Variants in B3GNT6 observed in about 807,000 individuals in gnomAD.
B3GNT6 encodes the protein UDP-GlcNAc:betaGal beta-1,3-N-acetylglucosaminyltransferase 6, also known as acetylgalactosaminyl-O-glycosyl-glycoprotein beta-1,3-N-acetylglucosaminyltransferase.
For synonymous variants in B3GNT6, 300 were observed against 270.0 expected, an observed-to-expected ratio of 1.11 and a Z score of -1.09; for missense variants, 624 against 568.6, an observed-to-expected ratio of 1.10 and a Z score of -0.99.
At position 77,041,633 on chromosome 11, in the gene B3GNT6, G is replaced by A. The variant is rs577046795; in HGVS notation, c.*927G>A. ...CAGGTGTGTAGAATTGTGTTCGGGA[G>A]GTGGGGGATCTGAGACCGAAGTGGA... On this transcript the variant is annotated 3_prime_UTR_variant, in exon 2 of 2. Transcript: ENST00000622824. The A allele has an allele frequency of 6.6e-6, 1 of 152,588 alleles. No individual in the cohort carries two copies. Among genetic ancestry groups the A allele is most frequent in the East Asian group, 1.9e-4 (1 of 5,194 alleles). The allele number at this position is 152,588 out of a possible 1,614,324, so 9.5% of individuals were successfully genotyped here. A position where few individuals can be genotyped will look rare whatever the true frequency, so the allele number is the denominator to read the frequency against.
rs1555027902 is a variant in B3GNT6, at chr11:77,040,728, C to T, written c.*22C>T. The T allele has an allele frequency of 3.2e-6, 5 of 1,542,268 alleles. No homozygotes were observed. Among genetic ancestry groups the T allele is most frequent in the East Asian group, 2.3e-5 (1 of 43,834 alleles). Reference sequence around the variant, plus strand: ...CTGAGGCCAGTTGGGCGGCTTCAGCCCCGGGCCTCCAACCATGTCCATGCT... The same window carrying T: ...CTGAGGCCAGTTGGGCGGCTTCAGCTCCGGGCCTCCAACCATGTCCATGCT... On this transcript the variant is annotated 3_prime_UTR_variant, in exon 2 of 2. Coordinates refer to ENST00000622824, the MANE Select transcript of B3GNT6 (RefSeq NM_138706.5).
Position 77,039,847 on chromosome 11 carries a change from G to A in B3GNT6, c.296G>A (p.Arg99His). 3 of 1,582,018 alleles carry A rather than the reference G, an allele frequency of 1.9e-6. No individual in the cohort carries two copies. The highest frequency in any genetic ancestry group is 2.6e-6 in the Non-Finnish European group (3 of 1,171,642). The change falls in exon 2 of 2, where the codon CGC becomes CAC. Residue 99 changes from arginine to histidine, a missense_variant. By Grantham distance (29) the Arg-to-His change is conservative. Coordinates refer to ENST00000622824, the MANE Select transcript of B3GNT6 (RefSeq NM_138706.5). ...GACTTCCTGCGGTACCGCCACTGCC[G>A]CCACTTCCCGCTGCTTTGGGACGCA... ...IQDFLRYRHC[R>H]HFPLLWDAPA... is the part of the protein sequence containing the mutation.
Position 77,040,416 on chromosome 11 carries a change from G to A in B3GNT6, c.865G>A (p.Gly289Ser), listed in dbSNP as rs782639298. The A allele has an allele frequency of 7.8e-6, 12 of 1,528,886 alleles. No homozygotes were observed. The highest frequency in any genetic ancestry group is 2.0e-5 in the Admixed American group (1 of 50,252). The allele number at this position is 1,528,886 out of a possible 1,614,324, so 94.7% of individuals were successfully genotyped here. The change falls in exon 2 of 2, where the codon GGC (glycine) becomes AGC (serine). Residue 289 changes from glycine (G) to serine (S), a missense_variant. Physicochemically the swap from Gly to Ser is moderately conservative, Grantham distance 56 (BLOSUM62 0). Coordinates refer to ENST00000622824, the MANE Select transcript of B3GNT6 (RefSeq NM_138706.5). ...CAGCGGCGGCGGCTTCCTCCTGTCCGGCCCCACGGCCCGGGCCCTGCGCGC... is the reference window on the plus strand; with the variant it reads ...CAGCGGCGGCGGCTTCCTCCTGTCCAGCCCCACGGCCCGGGCCCTGCGCGC... ...YCSGGGFLLS[G>S]PTARALRAAA... is the part of the protein sequence containing the mutation.
intron 1 of B3GNT6, among the ~76,000 whole-genome samples, chr11:77,038,740 G>A (rs1463767373): frequency 6.6e-6 from 1 of 152,018 alleles, no homozygotes; most frequent in Non-Finnish European, 1.5e-5. Context: ...ATGCAGGAGA[G>A]GGCCTGAAGG....
At chr11:77,039,278 C>A (rs1285983459) in intron 1 of B3GNT6, among the ~76,000 whole-genome samples, 1 of 152,008 alleles carries the variant, frequency 6.6e-6, no homozygotes, top group Non-Finnish European at 1.5e-5. Flanking sequence ...GAGACTCAGA[C>A]GATGAGTCCA....
chr11:77,038,162 AGAG>A (rs1949653360), intron 1 of B3GNT6, among the ~76,000 whole-genome samples: 1 of 108,162 alleles, frequency 9.2e-6, no homozygotes, highest in East Asian at 3.0e-4. Flanking sequence ...GGGAGGGGGA[AGAG>A]GAGGAGGAGG....
At chr11:77,037,912 C>CA (rs1185628932) in intron 1 of B3GNT6, among the ~76,000 whole-genome samples, 16 of 93,648 alleles carry the variant, frequency 1.7e-4, no homozygotes, top group Middle Eastern at 5.7e-3. Context: ...GACCCTGTCT[C>CA]AAAAAAAAAG....
At chr11:77,037,930 A>G (rs72949248) in intron 1 of B3GNT6, among the ~76,000 whole-genome samples, 1 of 77,236 alleles carries the variant, frequency 1.3e-5, no homozygotes, top group African/African-American at 5.4e-5. Flanking sequence ...AAGAAGAAGG[A>G]GAAAGGAAGA....
chr11:77,041,121 G>T lies in B3GNT6; in HGVS notation c.*415G>T, dbSNP rs151165441. The T allele has an allele frequency of 4.8e-4, 90 of 186,406 alleles. 2 individuals carry two copies. The South Asian group carries it at 0.017, about 34-fold the overall frequency. The allele number at this position is 186,406 out of a possible 1,614,324, so 11.5% of individuals were successfully genotyped here. A position where few individuals can be genotyped will look rare whatever the true frequency, so the allele number is the denominator to read the frequency against. ...TGGGAGCGTGGGAGCCAGGATCAGC[G>T]CCCCCTGCCATGTGCCTACAAATGT... On this transcript the variant is annotated 3_prime_UTR_variant, in exon 2 of 2. Transcript: ENST00000622824.
chr11:77,040,770 C>T lies in B3GNT6; in HGVS notation c.*64C>T, dbSNP rs1949681426. 2.0e-6 allele frequency: 3 copies of T among 1,489,006 alleles called. No individual in the cohort carries two copies. The highest frequency in any genetic ancestry group is 2.7e-6 in the Non-Finnish European group (3 of 1,127,070). The allele number at this position is 1,489,006 out of a possible 1,614,324, so 92.2% of individuals were successfully genotyped here. A position where few individuals can be genotyped will look rare whatever the true frequency, so the allele number is the denominator to read the frequency against. ...GTCCATGCTGAGAAGGCAGCTTTCC[C>T]GCTCTGGGTACCTTACGTCCTGCCC... On this transcript the variant is annotated 3_prime_UTR_variant, in exon 2 of 2. Transcript: ENST00000622824.
Position 77,040,564 on chromosome 11 carries a change from G to A in B3GNT6, c.1013G>A (p.Gly338Asp), listed in dbSNP as rs1322426647. 2.5e-5 allele frequency: 40 copies of A among 1,586,184 alleles called. No homozygotes were observed. The East Asian group carries it at 9.1e-4, about 36-fold the overall frequency. The change falls in exon 2 of 2, where the codon GGC becomes GAC. Residue 338 changes from glycine (G) to aspartate (D), a missense_variant. Physicochemically the swap from Gly to Asp is moderately conservative, Grantham distance 94. Coordinates refer to ENST00000622824, the MANE Select transcript of B3GNT6 (RefSeq NM_138706.5). Reference protein sequence around the residue: ...GIRPFGVQLPGAQQSSFDPCM... With the variant: ...GIRPFGVQLPDAQQSSFDPCM... ...CGACCCTTCGGCGTGCAGCTGCCTG[G>A]CGCACAGCAGTCCTCCTTCGACCCC...
Position 77,041,065 on chromosome 11 carries a change from G to A in B3GNT6, c.*359G>A. On this transcript the variant is annotated 3_prime_UTR_variant, in exon 2 of 2. Coordinates refer to ENST00000622824, the MANE Select transcript of B3GNT6 (RefSeq NM_138706.5). Reference sequence around the variant, plus strand: ...TCCGGGCCCCTCGCTCCCACACTCGGGTCCTCTTGAGCAGTGGAGCAAGGG... The same window carrying A: ...TCCGGGCCCCTCGCTCCCACACTCGAGTCCTCTTGAGCAGTGGAGCAAGGG... 7.9e-6 allele frequency: 2 copies of A among 252,142 alleles called. No homozygotes were observed. Among genetic ancestry groups the A allele is most frequent in the Non-Finnish European group, 1.5e-5 (2 of 133,838 alleles). The allele number at this position is 252,142 out of a possible 1,614,324, so 15.6% of individuals were successfully genotyped here. A position where few individuals can be genotyped will look rare whatever the true frequency, so the allele number is the denominator to read the frequency against.
At chr11:77,038,038 TAGG>T (rs1949649168) in intron 1 of B3GNT6, among the ~76,000 whole-genome samples, 1 of 1,084 alleles carries the variant, frequency 9.2e-4, no homozygotes, top group Non-Finnish European at 2.1e-3. Flanking sequence ...AGGAGAGGGA[TAGG>T]ATGGGAGGGG....
Position 77,039,824 on chromosome 11 carries a change from C to A in B3GNT6, c.273C>A (p.Asp91Glu), listed in dbSNP as rs1382991370. 1 of 1,575,232 alleles carries A rather than the reference C, an allele frequency of 6.3e-7. No individual in the cohort carries two copies. The highest frequency in any genetic ancestry group is 1.8e-5 in the Admixed American group (1 of 56,376). ...DFEQLPARIQ[D>E]FLRYRHCRHF... ...AGCAGCTGCCCGCGCGCATCCAGGACTTCCTGCGGTACCGCCACTGCCGCC... is the reference window on the plus strand; with the variant it reads ...AGCAGCTGCCCGCGCGCATCCAGGAATTCCTGCGGTACCGCCACTGCCGCC... The change falls in exon 2 of 2, where the codon GAC (aspartate) becomes GAA (glutamate). Residue 91 changes from aspartate (D) to glutamate (E), a missense_variant. Physicochemically the swap from Asp to Glu is conservative, Grantham distance 45 (BLOSUM62 2). Transcript: ENST00000622824.
chr11:77,040,761 C>G lies in B3GNT6; in HGVS notation c.*55C>G. ...TCCAACCATGTCCATGCTGAGAAGGCAGCTTTCCCGCTCTGGGTACCTTAC... is the reference window on the plus strand; with the variant it reads ...TCCAACCATGTCCATGCTGAGAAGGGAGCTTTCCCGCTCTGGGTACCTTAC... On this transcript the variant is annotated 3_prime_UTR_variant, in exon 2 of 2. Transcript: ENST00000622824. The G allele has an allele frequency of 6.7e-7, 1 of 1,501,008 alleles. No individual in the cohort carries two copies. Among genetic ancestry groups the G allele is most frequent in the Non-Finnish European group, 8.8e-7 (1 of 1,132,942 alleles). 93.0% of individuals were successfully genotyped at this position (1,501,008 alleles called of 1,614,324 possible). A position where few individuals can be genotyped will look rare whatever the true frequency, so the allele number is the denominator to read the frequency against.
intron 1 of B3GNT6, among the ~76,000 whole-genome samples, chr11:77,038,281 G>C (rs761126165): frequency 6.7e-6 from 1 of 149,494 alleles, no homozygotes; most frequent in African/African-American, 2.5e-5. Context: ...GAGAAGGAAC[G>C]GGGCACAGTG....
Position 77,039,788 on chromosome 11 carries a change from G to C in B3GNT6, c.237G>C (p.Thr79=), listed in dbSNP as rs781921988. The part of the protein sequence containing the change: ...PCVANASANA[T]ADFEQLPARI... ...TGGCGAACGCCTCGGCGAACGCCAC[G>C]GCCGACTTCGAGCAGCTGCCCGCGC... The change falls in exon 2 of 2, where the codon ACG becomes ACC. Residue 79 remains threonine, a synonymous_variant. Coordinates refer to ENST00000622824, the MANE Select transcript of B3GNT6 (RefSeq NM_138706.5). 1.4e-5 allele frequency: 22 copies of C among 1,580,560 alleles called. No individual in the cohort carries two copies. The highest frequency in any genetic ancestry group is 2.7e-5 in the African/African-American group (2 of 74,146).
Position 77,035,110 on chromosome 11 carries a change from GA to G in B3GNT6, c.-1+637del, listed in dbSNP as rs373152250. On this transcript the variant is annotated intron_variant, in intron 1 of 1. Transcript: ENST00000622824. ...GGAGCCTGAGGTTGCACTGAGTCGA[GA>G]AAAAGAAAAAGAAAGGGGAATTCTA... Among the ~76,000 whole-genome samples the G allele has an allele frequency of 3.4e-3, 513 of 152,214 alleles. 3 individuals carry two copies. The highest frequency in any genetic ancestry group is 0.012 in the African/African-American group (492 of 41,550).
Position 77,040,131 on chromosome 11 carries a change from T to G in B3GNT6, c.580T>G (p.Phe194Val). Residue 194 changes from phenylalanine (F) to valine (V), a missense_variant, in exon 2 of 2, where the codon TTC (phenylalanine) becomes GTC (valine). By Grantham distance (50) the Phe-to-Val change is conservative. Transcript: ENST00000622824. Reference protein sequence around the residue: ...DVLQWAFADTFLNLTLKHLHL... With the variant: ...DVLQWAFADTVLNLTLKHLHL... ...GCTGCAGTGGGCCTTCGCGGACACCTTCCTCAACCTCACGCTCAAGCACCT... is the reference window on the plus strand; with the variant it reads ...GCTGCAGTGGGCCTTCGCGGACACCGTCCTCAACCTCACGCTCAAGCACCT... The G allele has an allele frequency of 6.3e-7, 1 of 1,598,660 alleles. No homozygotes were observed. The highest frequency in any genetic ancestry group is 8.5e-7 in the Non-Finnish European group (1 of 1,179,344).
Sources: allele counts gnomAD v4.1 joint callset (sites outside exome capture counted in the v4.1 genomes callset), GRCh38; gene constraint gnomAD v4.1.1; transcripts MANE v1.5; gene names NCBI Gene and HGNC (gene_info 2026-07-23, HGNC 2026-07-21).